The following TTC39C variants were observed in gnomAD, a reference collection of about 807,000 sequenced individuals.
TTC39C encodes tetratricopeptide repeat domain 39C, also known as tetratricopeptide repeat protein 39C.
A neutral mutation model predicts 76.3 loss-of-function variants in TTC39C; 33 were observed. That is an observed-to-expected ratio of 0.43 (90% confidence interval 0.33 to 0.58). The LOEUF is 0.58. TTC39C is among the 20% of genes least tolerant of loss of function. The pLI is 0.04. For synonymous variants in TTC39C, 254 were observed against 260.6 expected, an observed-to-expected ratio of 0.97 and a Z score of 0.24; for missense variants, 595 against 701.4, an observed-to-expected ratio of 0.85 and a Z score of 1.71.
At chr18:24,006,564 T>A in intron 1 of TTC39C, 1 of 116,254 alleles carries the variant, frequency 8.6e-6, no homozygotes, top group Non-Finnish European at 1.6e-5. Flanking sequence ...TACAAACTGG[T>A]TAATGCTATC....
At chr18:24,119,249 T>C (rs1340923210) in intron 8 of TTC39C, among the ~76,000 whole-genome samples, 3 of 152,326 alleles carry the variant, frequency 2.0e-5, no homozygotes, top group African/African-American at 4.8e-5. Flanking sequence ...AGGTGTGGAA[T>C]TGAAGAAAGC....
chr18:24,110,714 AATGCC>A (rs2084798333), intron 6 of TTC39C, among the ~76,000 whole-genome samples: 2 of 152,240 alleles, frequency 1.3e-5, no homozygotes, highest in African/African-American at 4.8e-5. Context: ...CTTTCATAAC[AATGCC>A]ATGGCTGCCG....
At chr18:24,013,333 G>A (rs770139322), upstream of TTC39C, among the ~76,000 whole-genome samples, 1 of 152,164 alleles carries the variant, frequency 6.6e-6, no homozygotes, top group Non-Finnish European at 1.5e-5. Flanking sequence ...CACTTAAGGA[G>A]TGGCAGTAAT....
chr18:24,075,953 CG>C (rs1185129276), intron 4 of TTC39C, among the ~76,000 whole-genome samples: 4 of 152,296 alleles, frequency 2.6e-5, no homozygotes, highest in South Asian at 4.1e-4. Flanking sequence ...GGTTTCCTCT[CG>C]CCCCCTCCAT....
chr18:24,109,198 A>C (rs928008688), intron 6 of TTC39C, among the ~76,000 whole-genome samples: 2 of 138,310 alleles, frequency 1.4e-5, no homozygotes, highest in Non-Finnish European at 3.2e-5. Flanking sequence ...AAAAAAAAAA[A>C]GTTAAAAAAT....
chr18:24,035,472 A>G (rs1265185708), intron 1 of TTC39C, among the ~76,000 whole-genome samples: 3 of 152,242 alleles, frequency 2.0e-5, no homozygotes, highest in East Asian at 1.9e-4. Flanking sequence ...TGTTCTGGAT[A>G]ATAGCCATCC....
At chr18:24,002,335 A>C (rs1333122697) in intron 1 of TTC39C, among the ~76,000 whole-genome samples, 1 of 152,190 alleles carries the variant, frequency 6.6e-6, no homozygotes, top group African/African-American at 2.4e-5. Context: ...GCCAAGAGGA[A>C]AGAGCAACTA....
intron 6 of TTC39C, among the ~76,000 whole-genome samples, chr18:24,107,332 T>C (rs1407199616): frequency 6.6e-6 from 1 of 152,204 alleles, no homozygotes; most frequent in African/African-American, 2.4e-5. Context: ...CACTCTACTT[T>C]CTGAGTGCTG....
At chr18:24,058,069 C>T (rs909955735) in intron 1 of TTC39C, among the ~76,000 whole-genome samples, 2 of 152,154 alleles carry the variant, frequency 1.3e-5, no homozygotes, top group African/African-American at 4.8e-5. Context: ...AACAGAAAAC[C>T]AAATACTCCA....
chr18:24,062,948 G>C (rs1347408409), intron 1 of TTC39C, among the ~76,000 whole-genome samples: 1 of 152,302 alleles, frequency 6.6e-6, no homozygotes, highest in East Asian at 1.9e-4. Flanking sequence ...ACACATGTAA[G>C]TGTGCACCTT....
intron 1 of TTC39C, among the ~76,000 whole-genome samples, chr18:23,993,432 T>C (rs1183792714): frequency 2.0e-5 from 3 of 152,240 alleles, no homozygotes; most frequent in African/African-American, 7.2e-5. Flanking sequence ...ATAAATGCCA[T>C]AGCACTTGTT....
intron 4 of TTC39C, among the ~76,000 whole-genome samples, chr18:24,079,350 G>A (rs192489450): frequency 8.5e-5 from 13 of 152,266 alleles, no homozygotes; most frequent in Admixed American, 4.6e-4. Flanking sequence ...CAACAGTAGG[G>A]TCCTGACAGG....
At chr18:24,060,313 G>GTTTTTTTTTTTTTT in intron 1 of TTC39C, among the ~76,000 whole-genome samples, 1 of 89,242 alleles carries the variant, frequency 1.1e-5, no homozygotes, top group Non-Finnish European at 2.1e-5. Flanking sequence ...TTGCGTTTCT[G>GTTTTTTTTTTTTTT]TTTTTTTTTT....
intron 2 of TTC39C, among the ~76,000 whole-genome samples, chr18:24,065,754 A>G (rs184751953): frequency 2.1e-3 from 322 of 152,358 alleles, no homozygotes; most frequent in Non-Finnish European, 3.6e-3. Flanking sequence ...AATAACAGCA[A>G]CAACAAAATT....
intron 1 of TTC39C, among the ~76,000 whole-genome samples, chr18:24,047,886 G>A (rs1307263435): frequency 6.6e-6 from 1 of 152,180 alleles, no homozygotes; most frequent in Non-Finnish European, 1.5e-5. Flanking sequence ...CACATTGTAT[G>A]CCTGTATCGA....
At chr18:24,014,699 G>GCTCCTCCCTCCGCGGTCCTTCC, upstream of TTC39C, 2 of 1,006,752 alleles carry the variant, frequency 2.0e-6, no homozygotes, top group Non-Finnish European at 2.5e-6. Context: ...CCGGGCCGCG[G>GCTCCTCCCTCCGCGGTCCTTCC]CTCCTCCCTC....
intron 4 of TTC39C, chr18:24,077,061 G>C (rs2084315734): frequency 6.6e-6 from 1 of 152,166 alleles, no homozygotes. Flanking sequence ...GTCACGTTGA[G>C]AGATGCCGTT....
At chr18:24,117,683 C>G (rs1189955584) in intron 7 of TTC39C, among the ~76,000 whole-genome samples, 1 of 142,190 alleles carries the variant, frequency 7.0e-6, no homozygotes, top group African/African-American at 2.7e-5. Context: ...ACCTGGGTGA[C>G]AGAGCAAGAC....
intron 8 of TTC39C, among the ~76,000 whole-genome samples, chr18:24,121,246 G>T (rs928238218): frequency 6.6e-6 from 1 of 152,140 alleles, no homozygotes; most frequent in Non-Finnish European, 1.5e-5. Flanking sequence ...ATAAACCAGA[G>T]ACTCCCATGA....
Sources: allele counts gnomAD v4.1 joint callset (sites outside exome capture counted in the v4.1 genomes callset), GRCh38; gene constraint gnomAD v4.1.1; transcripts MANE v1.5; gene names NCBI Gene and HGNC (gene_info 2026-07-23, HGNC 2026-07-21).